UBE4B: variants seen among roughly 807,000 people sequenced by gnomAD.
The protein encoded by UBE4B is ubiquitin conjugation factor E4 B.
In UBE4B, 27 loss-of-function variants were observed where a neutral mutation model predicts 148.1. The ratio of observed to expected loss-of-function variants is 0.18; its 90% confidence interval spans 0.13 to 0.25. UBE4B has a LOEUF of 0.25. UBE4B is among the 10% of genes least tolerant of loss of function. The pLI, the probability that UBE4B is intolerant of heterozygous loss-of-function variation, is 1.00. For missense variants in UBE4B, 1,170 were observed against 1,662.4 expected, an observed-to-expected ratio of 0.70 and a Z score of 5.15; for synonymous variants, 596 against 619.3, an observed-to-expected ratio of 0.96 and a Z score of 0.56.
At chr1:10,064,619 C>T (rs767641100) in intron 1 of UBE4B, among the ~76,000 whole-genome samples, 3 of 152,168 alleles carry the variant, frequency 2.0e-5, no homozygotes, top group Non-Finnish European at 4.4e-5. Context: ...CTCTCTATCA[C>T]CTCGTCTCTT....
chr1:10,099,897 A>G (rs539019318), intron 3 of UBE4B, among the ~76,000 whole-genome samples: 4 of 152,354 alleles, frequency 2.6e-5, no homozygotes, highest in Non-Finnish European at 5.9e-5. Context: ...TGCTAGGGCA[A>G]TTGTTCAATC....
chr1:10,091,576 C>G (rs1011569178), intron 2 of UBE4B, among the ~76,000 whole-genome samples: 1 of 151,946 alleles, frequency 6.6e-6, no homozygotes, highest in Non-Finnish European at 1.5e-5. Flanking sequence ...TCTCAAGTAG[C>G]TAAGATTACA....
At chr1:10,071,492 G>T (rs1238942709) in intron 1 of UBE4B, among the ~76,000 whole-genome samples, 1 of 152,134 alleles carries the variant, frequency 6.6e-6, no homozygotes, top group African/African-American at 2.4e-5. Context: ...GGAGGCCGAG[G>T]TGGGAAGATT....
intron 25 of UBE4B, 48 bp from the exon 26 acceptor site, chr1:10,178,596 T>C (rs1404455765): frequency 6.6e-7 from 1 of 1,524,652 alleles, no homozygotes; most frequent in African/African-American, 1.4e-5. Flanking sequence ...CTCGCTTTTT[T>C]CCACCTGACG....
At position 10,049,793 on chromosome 1, in the gene UBE4B, GAT is replaced by G. The variant is rs1557511502; in HGVS notation, c.24+16100_24+16101del. 2.6e-5 allele frequency among the ~76,000 whole-genome samples: 4 copies of G among 151,494 alleles called. No individual in the cohort carries two copies. The South Asian group carries it at 8.3e-4, about 32-fold the overall frequency. On this transcript the variant is annotated intron_variant, in intron 1 of 27. Transcript: ENST00000343090. ...TGGTCCCAGCTACTCGGGAGGCTGA[GAT>G]GGGAGAATCACTTGAGCCCGGCAGG...
chr1:10,093,483 A>G (rs181248760), intron 2 of UBE4B, among the ~76,000 whole-genome samples: 8 of 152,276 alleles, frequency 5.3e-5, no homozygotes, highest in Admixed American at 2.0e-4. Context: ...TTCCTTCATA[A>G]ATCCTGCAGA....
intron 1 of UBE4B, among the ~76,000 whole-genome samples, chr1:10,041,584 C>T (rs1344433084): frequency 1.3e-5 from 2 of 152,044 alleles, no homozygotes; most frequent in Admixed American, 6.6e-5. Context: ...ATCCCCCCGC[C>T]TCGGCCTTCC....
At chr1:10,135,752 C>G (rs1208370982) in intron 16 of UBE4B, among the ~76,000 whole-genome samples, 2 of 89,278 alleles carry the variant, frequency 2.2e-5, no homozygotes, top group Non-Finnish European at 4.7e-5. Context: ...AAAAAAAAAA[C>G]AGATACAAAT....
chr1:10,133,810 G>A lies in UBE4B; in HGVS notation c.2026-1178G>A, dbSNP rs144823727. Among the ~76,000 whole-genome samples, 3 of 152,248 alleles carry A rather than the reference G, an allele frequency of 2.0e-5. No individual in the cohort carries two copies. In the East Asian group the frequency reaches 5.8e-4, roughly 29 times the overall value. On this transcript the variant is annotated intron_variant, in intron 15 of 27. Transcript: ENST00000343090. ...CATGCCTATAGTTTCAGCTACTTGG[G>A]AGGCTGAGGCAAGAGGATCACTTGA...
At chr1:10,054,071 T>A (rs1013800604) in intron 1 of UBE4B, among the ~76,000 whole-genome samples, 27 of 151,948 alleles carry the variant, frequency 1.8e-4, no homozygotes, top group East Asian at 9.6e-4. Context: ...TAGATTTTTT[T>A]TAAAAAAAAA....
In UBE4B at chr1:10,168,155, A is replaced by T; in HGVS notation, c.3218A>T (p.Gln1073Leu). The T allele has an allele frequency of 6.2e-7, 1 of 1,614,046 alleles. No homozygotes were observed. The highest frequency in any genetic ancestry group is 8.5e-7 in the Non-Finnish European group (1 of 1,180,022). Residue 1073 changes from glutamine (Q) to leucine (L), a missense_variant, in exon 24 of 28, where the codon CAG becomes CTG. Coordinates refer to ENST00000343090, the MANE Select transcript of UBE4B (RefSeq NM_001105562.3). This position sits in a 1 kb window ranked among gnomAD's most constrained non-coding sequence, Gnocchi z 4.9. The part of the protein sequence containing the change: ...QLPRDQQQAR[Q>L]SQLAQDERVS... ...TCCTAGGATCAGCAGCAGGCTCGTC[A>T]GTCTCAGCTTGCTCAGGATGAGCGT...
At chr1:10,095,139 G>C (rs1644910694) in intron 2 of UBE4B, among the ~76,000 whole-genome samples, 1 of 152,154 alleles carries the variant, frequency 6.6e-6, no homozygotes, top group African/African-American at 2.4e-5. Flanking sequence ...TATCATGGAA[G>C]TTAATTTGTA....
chr1:10,166,970 C>CACA (rs1333675469), intron 23 of UBE4B, among the ~76,000 whole-genome samples: 18 of 133,246 alleles, frequency 1.4e-4, no homozygotes, highest in Admixed American at 8.1e-4. Flanking sequence ...CACACACACA[C>CACA]AAAAAAAAAA....
chr1:10,162,300 A>G (rs1377876674), intron 23 of UBE4B, among the ~76,000 whole-genome samples: 2 of 152,042 alleles, frequency 1.3e-5, no homozygotes, highest in African/African-American at 2.4e-5. Flanking sequence ...CAGCCTCCCA[A>G]GTAGTTGGGA....
At chr1:10,069,637 C>T (rs765278053) in intron 1 of UBE4B, among the ~76,000 whole-genome samples, 46 of 152,106 alleles carry the variant, frequency 3.0e-4, no homozygotes, top group Non-Finnish European at 4.4e-4. Context: ...CAGGTTCAAG[C>T]GATTCTCCTG....
chr1:10,095,259 T>A (rs767468629), intron 2 of UBE4B, among the ~76,000 whole-genome samples: 1 of 152,204 alleles, frequency 6.6e-6, no homozygotes, highest in South Asian at 2.1e-4. Flanking sequence ...ATGAAGTATA[T>A]TGATAACTTA....
At chr1:10,159,473 C>T (rs1037812845) in intron 22 of UBE4B, among the ~76,000 whole-genome samples, 3 of 152,174 alleles carry the variant, frequency 2.0e-5, no homozygotes, top group Admixed American at 2.0e-4. Context: ...GAGATCGAGA[C>T]CATCCTGGCT....
chr1:10,068,493 G>T (rs1644428251), intron 1 of UBE4B, among the ~76,000 whole-genome samples: 2 of 151,936 alleles, frequency 1.3e-5, no homozygotes. Context: ...GGGATTATGG[G>T]CGCGTGCCAC....
At chr1:10,146,124 A>G (rs544061151) in intron 18 of UBE4B, among the ~76,000 whole-genome samples, 1 of 152,266 alleles carries the variant, frequency 6.6e-6, no homozygotes, top group African/African-American at 2.4e-5. Context: ...CACCCCCCTA[A>G]GCAGTCCACA....
Sources: gnomAD v4.1 joint callset for allele counts (sites outside exome capture counted in the v4.1 genomes callset) on GRCh38, gnomAD v4.1.1 for gene constraint, Gnocchi (gnomAD v3.1) non-coding constraint, MANE v1.5 for transcripts, NCBI Gene and HGNC (gene_info 2026-07-23, HGNC 2026-07-21) for gene names.